The following RAB30 variants were observed in gnomAD, a reference collection of about 807,000 sequenced individuals.
RAB30 encodes ras-related protein Rab-30.
RAB30 carries 9 observed loss-of-function variants against 25.1 expected under a neutral mutation model. The observed-to-expected ratio is 0.36, with a 90% CI of 0.22 to 0.63. The LOEUF (loss-of-function observed/expected upper bound fraction) is 0.63, where lower values mean the gene tolerates loss of function less well. RAB30 is among the 20% of genes least tolerant of loss of function. The pLI, the probability that RAB30 is intolerant of heterozygous loss-of-function variation, is 0.69. For missense variants in RAB30, 140 were observed against 243.5 expected, an observed-to-expected ratio of 0.58 and a Z score of 2.83; for synonymous variants, 77 against 86.4, an observed-to-expected ratio of 0.89 and a Z score of 0.60.
At chr11:83,051,880 A>G (rs562438261) in intron 1 of RAB30, among the ~76,000 whole-genome samples, 4 of 152,326 alleles carry the variant, frequency 2.6e-5, no homozygotes, top group Admixed American at 1.3e-4. Context: ...TGAATCACAC[A>G]TAGCTCTAAG....
chr11:83,018,772 A>C (rs1010228997), intron 1 of RAB30, among the ~76,000 whole-genome samples: 3 of 152,198 alleles, frequency 2.0e-5, no homozygotes, highest in Non-Finnish European at 4.4e-5. Flanking sequence ...TGCCTAAGCC[A>C]ACATCTAGAA....
intron 1 of RAB30, among the ~76,000 whole-genome samples, chr11:83,040,213 A>G (rs961653672): frequency 1.3e-5 from 2 of 152,202 alleles, no homozygotes; most frequent in East Asian, 3.8e-4. Context: ...AAATGAAAGA[A>G]AAGAGATTTT....
intron 4 of RAB30, among the ~76,000 whole-genome samples, chr11:82,985,934 C>T (rs1324833756): frequency 2.0e-5 from 3 of 151,998 alleles, no homozygotes; most frequent in African/African-American, 7.2e-5. Context: ...ATCCTCCTGC[C>T]TCAGCTTCCC....
intron 1 of RAB30, among the ~76,000 whole-genome samples, chr11:83,045,955 A>G (rs1858224415): frequency 6.6e-6 from 1 of 152,206 alleles, no homozygotes; most frequent in East Asian, 1.9e-4. Context: ...AATCTCTTCA[A>G]GCTCTGGAAT....
rs80247709 is a variant in RAB30 at position 83,052,922 on chromosome 11, A to G, written c.-9+18769T>C. ...TCATACATTGACTGGGAAAAGAGAC[A>G]GTGAGGTGCAAGGCAATATTAATAT... On this transcript the variant is annotated intron_variant, in intron 1 of 4. Coordinates refer to ENST00000527633, the MANE Select transcript of RAB30 (RefSeq NM_001286060.2). Among the ~76,000 whole-genome samples, 1,141 of 152,340 alleles carry G rather than the reference A, an allele frequency of 7.5e-3. 22 individuals are homozygous for G. The highest frequency in any genetic ancestry group is 0.026 in the African/African-American group (1,100 of 41,570).
At chr11:83,068,487 C>T (rs926770384) in intron 1 of RAB30, among the ~76,000 whole-genome samples, 4 of 152,116 alleles carry the variant, frequency 2.6e-5, no homozygotes, top group African/African-American at 9.7e-5. Flanking sequence ...TATCATCCTA[C>T]ATATGCCATT....
intron 1 of RAB30, among the ~76,000 whole-genome samples, chr11:83,051,018 A>G (rs1469387041): frequency 6.6e-6 from 1 of 152,212 alleles, no homozygotes; most frequent in Non-Finnish European, 1.5e-5. Flanking sequence ...CTGGGCAAAC[A>G]GGCCTTTCTC....
At chr11:82,989,733 T>G (rs1856813298) in intron 3 of RAB30, among the ~76,000 whole-genome samples, 1 of 152,252 alleles carries the variant, frequency 6.6e-6, no homozygotes, top group African/African-American at 2.4e-5. Context: ...TGTATGAGCA[T>G]GCCAAGATAT....
chr11:83,008,233 G>A (rs945661301), intron 1 of RAB30, among the ~76,000 whole-genome samples: 5 of 152,132 alleles, frequency 3.3e-5, no homozygotes, highest in Admixed American at 6.5e-5. Flanking sequence ...CCTCTGCCCC[G>A]GAGATCAGAG....
intron 1 of RAB30, among the ~76,000 whole-genome samples, chr11:83,014,565 C>G (rs1166369828): frequency 1.4e-5 from 2 of 147,216 alleles, no homozygotes; most frequent in Non-Finnish European, 3.0e-5. Context: ...GAAAGAGAGA[C>G]AGGGGGAGAC....
At chr11:83,013,248 T>C (rs879550095) in intron 1 of RAB30, among the ~76,000 whole-genome samples, 3 of 152,120 alleles carry the variant, frequency 2.0e-5, no homozygotes, top group Non-Finnish European at 4.4e-5. Flanking sequence ...CATGCCTGGC[T>C]AATTTTTGTA....
intron 1 of RAB30, among the ~76,000 whole-genome samples, chr11:83,026,815 TAA>T (rs10708704): frequency 6.6e-6 from 1 of 151,782 alleles, no homozygotes; most frequent in East Asian, 1.9e-4. Context: ...TTATTTTTAT[TAA>T]AAAAAACCTT....
intron 1 of RAB30, among the ~76,000 whole-genome samples, chr11:83,012,168 T>G (rs369364534): frequency 1.3e-5 from 2 of 152,234 alleles, no homozygotes; most frequent in Non-Finnish European, 2.9e-5. Context: ...GCTGCTGTGT[T>G]GGACTGCCTA....
intron 3 of RAB30, chr11:82,992,462 ACTT>A (rs1856871333): frequency 2.3e-6 from 1 of 444,352 alleles, no homozygotes; most frequent in African/African-American, 2.0e-5. Context: ...CCTCCTAAAC[ACTT>A]CTCTGTGATG....
intron 1 of RAB30, among the ~76,000 whole-genome samples, chr11:83,022,064 A>G (rs1265573636): frequency 1.3e-5 from 2 of 151,364 alleles, no homozygotes; most frequent in Non-Finnish European, 2.9e-5. Context: ...GGCTGTACGT[A>G]TGCCTGACAA....
chr11:83,045,303 T>A (rs1858211145), intron 1 of RAB30, among the ~76,000 whole-genome samples: 1 of 151,938 alleles, frequency 6.6e-6, no homozygotes, highest in Non-Finnish European at 1.5e-5. Context: ...CATATATATA[T>A]TTTTTTTCCT....
chr11:83,028,758 A>ATATTCC (rs1238530137), intron 1 of RAB30, among the ~76,000 whole-genome samples: 1 of 152,354 alleles, frequency 6.6e-6, no homozygotes, highest in African/African-American at 2.4e-5. Flanking sequence ...CCAGAAATTC[A>ATATTCC]TATTCCATGC....
intron 1 of RAB30, among the ~76,000 whole-genome samples, chr11:83,058,267 T>C (rs1590879615): frequency 1.3e-5 from 2 of 152,308 alleles, no homozygotes; most frequent in Non-Finnish European, 1.5e-5. Flanking sequence ...GAAATTAACA[T>C]TCATCCTATA....
At chr11:83,004,414 T>A (rs534745799) in intron 1 of RAB30, among the ~76,000 whole-genome samples, 1 of 152,282 alleles carries the variant, frequency 6.6e-6, no homozygotes, top group Admixed American at 6.5e-5. Flanking sequence ...GGACATCCCA[T>A]CTGAGTACTC....
Sources: allele counts gnomAD v4.1 joint callset (sites outside exome capture counted in the v4.1 genomes callset), GRCh38; gene constraint gnomAD v4.1.1; transcripts MANE v1.5; gene names NCBI Gene and HGNC (gene_info 2026-07-23, HGNC 2026-07-21).